The following DCPS variants were observed in gnomAD, a reference collection of about 807,000 sequenced individuals.
DCPS encodes decapping enzyme, scavenger, also known as m7GpppX diphosphatase.
A neutral mutation model predicts 34.7 loss-of-function variants in DCPS; 27 were observed. The observed-to-expected ratio is 0.78, with a 90% CI of 0.57 to 1.07. The LOEUF is 1.07. Among genes scored for constraint, DCPS ranks in the 50% least tolerant of loss-of-function variants. The pLI, the probability that DCPS is intolerant of heterozygous loss-of-function variation, is 0.00. For missense variants in DCPS, 464 were observed against 436.9 expected (o/e 1.06, Z -0.55); for synonymous variants, 185 against 185.7 (o/e 1.00, Z 0.03).
rs564209736 is a variant in DCPS at position 126,314,313 on chromosome 11, A to G, written c.376+7569A>G. On this transcript the variant is annotated intron_variant, in intron 2 of 5. Coordinates refer to ENST00000263579, the MANE Select transcript of DCPS (RefSeq NM_014026.6). ...ATGGCTGTATAGTATTCCATGGTGTATATGTACCACATTTCTTTATTCAGT... is the reference window on the plus strand; with the variant it reads ...ATGGCTGTATAGTATTCCATGGTGTGTATGTACCACATTTCTTTATTCAGT... Among the ~76,000 whole-genome samples, 9 of 152,312 alleles carry G rather than the reference A, an allele frequency of 5.9e-5. No homozygotes were observed. The South Asian group carries it at 1.7e-3, about 28-fold the overall frequency.
rs562453882 is a variant in DCPS, at chr11:126,319,380, C to T, written c.377-12025C>T. On this transcript the variant is annotated intron_variant, in intron 2 of 5. Transcript: ENST00000263579. This position sits in a 1 kb window ranked among gnomAD's most constrained non-coding sequence, Gnocchi z 4.5. ...ACAGCTATTGTTTCTAGTTGTGAGC[C>T]AGTCTGGAAGCAAGGTCCTCTTCCG... 8.5e-5 allele frequency among the ~76,000 whole-genome samples: 13 copies of T among 152,258 alleles called. No individual in the cohort carries two copies. Among genetic ancestry groups the T allele is most frequent in the Non-Finnish European group, 1.8e-4 (12 of 68,032 alleles).
In DCPS at chr11:126,331,409, A is replaced by G. The variant is rs773592034; in HGVS notation, c.381A>G (p.Val127=). The G allele has an allele frequency of 1.2e-6, 2 of 1,614,016 alleles. No individual in the cohort carries two copies. Among genetic ancestry groups the G allele is most frequent in the Admixed American group, 1.7e-5 (1 of 60,000 alleles). Residue 127 remains valine, a synonymous_variant, in exon 3 of 6, where the codon GTA becomes GTG. Coordinates refer to ENST00000263579, the MANE Select transcript of DCPS (RefSeq NM_014026.6). This position sits in a 1 kb window ranked among gnomAD's most constrained non-coding sequence, Gnocchi z 7.2. The part of the protein sequence containing the change: ...HLFPPRQLND[V]KTTVVYPATE... ...GGCTGTGCTGTATCATTGCAGATGTAAAGACGACCGTGGTTTACCCTGCCA... is the reference window on the plus strand; with the variant it reads ...GGCTGTGCTGTATCATTGCAGATGTGAAGACGACCGTGGTTTACCCTGCCA...
Position 126,331,563 on chromosome 11 carries a change from A to G in DCPS, c.522+13A>G, listed in dbSNP as rs651034. 0.25 allele frequency: 403,525 copies of G among 1,612,658 alleles called. 51,380 individuals are homozygous for G. Among genetic ancestry groups the G allele is most frequent in the Admixed American group, 0.27 (16,223 of 59,932 alleles). On this transcript the variant is annotated intron_variant, in intron 3 of 5. Coordinates refer to ENST00000263579, the MANE Select transcript of DCPS (RefSeq NM_014026.6). This position sits in a 1 kb window ranked among gnomAD's most constrained non-coding sequence, Gnocchi z 7.2. ...CCTCAGCATCCAGGTGACTGGCTGCATGTCTCAGACGCAGAGCACTGCTCC... is the reference window on the plus strand; with the variant it reads ...CCTCAGCATCCAGGTGACTGGCTGCGTGTCTCAGACGCAGAGCACTGCTCC...
At position 126,331,214 on chromosome 11, in the gene DCPS, G is replaced by A. The variant is rs936220622; in HGVS notation, c.377-191G>A. On this transcript the variant is annotated intron_variant, in intron 2 of 5. Transcript: ENST00000263579. This position sits in a 1 kb window ranked among gnomAD's most constrained non-coding sequence, Gnocchi z 7.2. ...GAACCTTGTGTTTTCCAGATTCTGAGTGTGGCTCAGCTCGTGAATGCAGTG... is the reference window on the plus strand; with the variant it reads ...GAACCTTGTGTTTTCCAGATTCTGAATGTGGCTCAGCTCGTGAATGCAGTG... Among the ~76,000 whole-genome samples the A allele has an allele frequency of 3.9e-5, 6 of 152,178 alleles. No homozygotes were observed. Among genetic ancestry groups the A allele is most frequent in the Admixed American group, 3.3e-4 (5 of 15,276 alleles).
rs752639582 is a variant in DCPS at position 126,313,750 on chromosome 11, G to A, written c.376+7006G>A. On this transcript the variant is annotated intron_variant, in intron 2 of 5. Transcript: ENST00000263579. The surrounding 1 kb of genome is among the most constrained non-coding windows in gnomAD (Gnocchi z 4.9). ...CGGGGTGTGGCAGGACAGAGAGAAT[G>A]TTAAAATTTCTGGTTATATTCTGTT... 6.6e-6 allele frequency among the ~76,000 whole-genome samples: 1 copy of A among 152,156 alleles called. No homozygotes were observed. The highest frequency in any genetic ancestry group is 1.5e-5 in the Non-Finnish European group (1 of 68,024).
At chr11:126,317,715 T>C (rs903483588) in intron 2 of DCPS, among the ~76,000 whole-genome samples, 1 of 152,108 alleles carries the variant, frequency 6.6e-6, no homozygotes, top group Non-Finnish European at 1.5e-5. Flanking sequence ...TATTTTGGAG[T>C]GTTCATCCTA....
rs1332219464 is a variant in DCPS at position 126,335,396 on chromosome 11, C to T, written c.523-2890C>T. On this transcript the variant is annotated intron_variant, in intron 3 of 5. Transcript: ENST00000263579. The surrounding 1 kb of genome is among the most constrained non-coding windows in gnomAD (Gnocchi z 4.8). ...GCATGGTTTCAGATGGTGGCACTCC[C>T]CATTACATAGCTCTCTGTGTTTGTG... Among the ~76,000 whole-genome samples the T allele has an allele frequency of 6.6e-6, 1 of 152,246 alleles. No individual in the cohort carries two copies. Among genetic ancestry groups the T allele is most frequent in the Non-Finnish European group, 1.5e-5 (1 of 68,040 alleles).
At position 126,346,792 on chromosome 11, in the gene DCPS, C is replaced by T. The variant is rs1026735103; in HGVS notation, c.*1179C>T. ...CAGGAAGCCTCATTCAGAGATTAGC[C>T]CCTTTACTGCAGGTGGTAGCCCAGG... On this transcript the variant is annotated 3_prime_UTR_variant, in exon 6 of 6. Transcript: ENST00000263579. This position sits in a 1 kb window ranked among gnomAD's most constrained non-coding sequence, Gnocchi z 4.1. 3.3e-5 allele frequency among the ~76,000 whole-genome samples: 5 copies of T among 152,154 alleles called. No individual in the cohort carries two copies. Among genetic ancestry groups the T allele is most frequent in the Non-Finnish European group, 5.9e-5 (4 of 68,028 alleles).
rs1951761962 is a variant in DCPS at position 126,329,041 on chromosome 11, C to G, written c.377-2364C>G. 1.3e-5 allele frequency among the ~76,000 whole-genome samples: 2 copies of G among 152,158 alleles called. No homozygotes were observed. Among genetic ancestry groups the G allele is most frequent in the South Asian group, 4.1e-4 (2 of 4,834 alleles). The stretch of plus-strand genomic sequence containing the variant: ...GCTCCAAAATCTCTGTTCTCATCCA[C>G]CAAGCTCCACTGCAGATGTATGGAT... On this transcript the variant is annotated intron_variant, in intron 2 of 5. Transcript: ENST00000263579. This position sits in a 1 kb window ranked among gnomAD's most constrained non-coding sequence, Gnocchi z 5.0.
intron 2 of DCPS, among the ~76,000 whole-genome samples, chr11:126,316,789 G>A (rs1003068704): frequency 1.3e-5 from 2 of 151,124 alleles, no homozygotes; most frequent in African/African-American, 2.4e-5. Flanking sequence ...CAAGTAGCTG[G>A]GATTACAGAC....
intron 2 of DCPS, among the ~76,000 whole-genome samples, chr11:126,309,642 T>A (rs1375211767): frequency 6.6e-6 from 1 of 152,186 alleles, no homozygotes; most frequent in Non-Finnish European, 1.5e-5. Context: ...CGACTGTACA[T>A]GCGGTGCCTT....
chr11:126,331,592 G>A lies in DCPS; in HGVS notation c.522+42G>A. 6.2e-7 allele frequency: 1 copy of A among 1,605,904 alleles called. No individual in the cohort carries two copies. Among genetic ancestry groups the A allele is most frequent in the Non-Finnish European group, 8.5e-7 (1 of 1,175,722 alleles). On this transcript the variant is annotated intron_variant, in intron 3 of 5. Coordinates refer to ENST00000263579, the MANE Select transcript of DCPS (RefSeq NM_014026.6). The surrounding 1 kb of genome is among the most constrained non-coding windows in gnomAD (Gnocchi z 7.2). ...CTCAGACGCAGAGCACTGCTCCCGT[G>A]GCTGGTGCCTCCTCTTACGAGTGTC...
At chr11:126,324,066 A>G (rs375447002) in intron 2 of DCPS, among the ~76,000 whole-genome samples, 1 of 152,282 alleles carries the variant, frequency 6.6e-6, no homozygotes, top group East Asian at 1.9e-4. Flanking sequence ...TTCTGACCTC[A>G]GGTGATCCGT....
intron 1 of DCPS, among the ~76,000 whole-genome samples, chr11:126,305,500 A>G (rs959761886): frequency 7.3e-6 from 1 of 137,516 alleles, no homozygotes; most frequent in African/African-American, 2.8e-5. Context: ...GGCTCACTGC[A>G]ACCTCCACTT....
chr11:126,316,574 C>T (rs1951659901), intron 2 of DCPS, among the ~76,000 whole-genome samples: 1 of 152,002 alleles, frequency 6.6e-6, no homozygotes, highest in African/African-American at 2.4e-5. Flanking sequence ...TTTGCAACTT[C>T]TGTGAGTTAG....
At chr11:126,326,565 T>A (rs996140105) in intron 2 of DCPS, among the ~76,000 whole-genome samples, 1 of 152,168 alleles carries the variant, frequency 6.6e-6, no homozygotes, top group Non-Finnish European at 1.5e-5. Context: ...AAAAAAATTT[T>A]CCTACTAAAA....
chr11:126,336,319 T>G lies in DCPS; in HGVS notation c.523-1967T>G, dbSNP rs376679709. 1 of 152,408 alleles carries G rather than the reference T, an allele frequency of 6.6e-6. No individual in the cohort carries two copies. The highest frequency in any genetic ancestry group is 2.4e-5 in the African/African-American group (1 of 41,408). 9.4% of individuals were successfully genotyped at this position (152,408 alleles called of 1,614,324 possible). A position where few individuals can be genotyped will look rare whatever the true frequency, so the allele number is the denominator to read the frequency against. On this transcript the variant is annotated intron_variant, in intron 3 of 5. Coordinates refer to ENST00000263579, the MANE Select transcript of DCPS (RefSeq NM_014026.6). The surrounding 1 kb of genome is among the most constrained non-coding windows in gnomAD (Gnocchi z 6.3). ...CCTTTCCCTCTTTTCCTGTCCCCAG[T>G]CAGTTTTGTAGCCTCTGGCATACCA...
chr11:126,330,033 T>G (rs539282867), intron 2 of DCPS, among the ~76,000 whole-genome samples: 3 of 152,164 alleles, frequency 2.0e-5, no homozygotes, highest in African/African-American at 7.2e-5. Flanking sequence ...AGAGTAATGA[T>G]GACAATTGTA....
rs1406629728 is a variant in DCPS at position 126,306,602 on chromosome 11, GGAT to G, written c.236_238del (p.Asp79del). On this transcript the variant is annotated inframe_deletion, in exon 2 of 6. Transcript: ENST00000263579. ...AGGCCTCTGGGGATGGGGATGGAGA[GGAT>G]GCCGTTGTGATCCTGGAGAAGACGC... 2 of 1,610,590 alleles carry G rather than the reference GGAT, an allele frequency of 1.2e-6. No individual in the cohort carries two copies. The highest frequency in any genetic ancestry group is 2.2e-5 in the South Asian group (2 of 90,632).
Sources: allele counts gnomAD v4.1 joint callset (sites outside exome capture counted in the v4.1 genomes callset), GRCh38; gene constraint gnomAD v4.1.1; non-coding constraint Gnocchi (gnomAD v3.1); transcripts MANE v1.5; gene names NCBI Gene and HGNC (gene_info 2026-07-23, HGNC 2026-07-21).